Variants in LRRC72 observed in about 807,000 individuals in gnomAD.
The protein encoded by LRRC72 is leucine rich repeat containing 72, also known as leucine-rich repeat-containing protein 72.
Under a neutral mutation model 35.8 loss-of-function variants are expected in LRRC72, and 41 were observed. That is an observed-to-expected ratio of 1.15 (90% confidence interval 0.89 to 1.49). The LOEUF is 1.49. Ranked by LOEUF, LRRC72 falls within the 40% of genes most tolerant of loss-of-function variation. The pLI, the probability that LRRC72 is intolerant of heterozygous loss-of-function variation, is 0.00. For missense variants in LRRC72, 389 were observed against 330.7 expected (o/e 1.18, Z -1.37); for synonymous variants, 118 against 119.2 (o/e 0.99, Z 0.07).
intron 5 of LRRC72, among the ~76,000 whole-genome samples, chr7:16,560,210 T>C (rs1364587719): frequency 2.0e-5 from 3 of 152,218 alleles, no homozygotes; most frequent in Non-Finnish European, 4.4e-5. Flanking sequence ...ATTTTTTAAT[T>C]CCTTTTCTAT....
At chr7:16,575,094 G>C (rs184797589) in intron 7 of LRRC72, among the ~76,000 whole-genome samples, 1 of 139,438 alleles carries the variant, frequency 7.2e-6, no homozygotes, top group Non-Finnish European at 1.6e-5. Flanking sequence ...TAGCCTGCGT[G>C]ACAGAGTAAG....
At chr7:16,554,321 C>T (rs575257891) in intron 3 of LRRC72, among the ~76,000 whole-genome samples, 1 of 152,266 alleles carries the variant, frequency 6.6e-6, no homozygotes, top group East Asian at 1.9e-4. Flanking sequence ...CAGAGTGAGA[C>T]TCCATCTCAA....
At chr7:16,550,213 T>C (rs1782525001) in intron 3 of LRRC72, among the ~76,000 whole-genome samples, 1 of 151,790 alleles carries the variant, frequency 6.6e-6, no homozygotes, top group Non-Finnish European at 1.5e-5. Context: ...TGAGACCCTA[T>C]CTCAAAAAAA....
intron 1 of LRRC72, 69 bp downstream of exon 1, chr7:16,527,111 C>A (rs2128333685): frequency 8.0e-7 from 1 of 1,252,410 alleles, no homozygotes; most frequent in Non-Finnish European, 1.1e-6. Context: ...CACCTCCTGC[C>A]TGAGGACTCC....
At chr7:16,576,324 A>G (rs1583655340) in intron 7 of LRRC72, among the ~76,000 whole-genome samples, 5 of 152,296 alleles carry the variant, frequency 3.3e-5, no homozygotes, top group Admixed American at 3.3e-4. Flanking sequence ...TTATGGTGAC[A>G]TTCTAAAAAA....
At chr7:16,527,896 T>C (rs1327754661) in intron 1 of LRRC72, among the ~76,000 whole-genome samples, 5 of 152,132 alleles carry the variant, frequency 3.3e-5, no homozygotes, top group Admixed American at 1.3e-4. Context: ...AACATTTTTT[T>C]CCCTTTGATT....
At chr7:16,569,345 G>C (rs1352243282) in intron 7 of LRRC72, among the ~76,000 whole-genome samples, 1 of 152,086 alleles carries the variant, frequency 6.6e-6, no homozygotes, top group Non-Finnish European at 1.5e-5. Context: ...AGAATCACTT[G>C]AACCTGGGAG....
chr7:16,567,404 A>C lies in LRRC72; in HGVS notation c.531A>C (p.Lys177Asn), dbSNP rs375676661. 1.3e-6 allele frequency: 2 copies of C among 1,492,796 alleles called. No individual in the cohort carries two copies. 92.5% of individuals were successfully genotyped at this position (1,492,796 alleles called of 1,614,324 possible). ...TGCATTTATCAGAAGTTACAGAAAA[A>C]GAAAGAAGATCAATGATTACCATTT... is the stretch of plus-strand genomic sequence containing the variant. ...ELLDRNQVTEKERRSMITIFN... is the reference protein window; with the variant it reads ...ELLDRNQVTENERRSMITIFN... The change falls in exon 7 of 9, where the codon AAA (lysine) becomes AAC (asparagine). Residue 177 changes from lysine (K) to asparagine (N), a missense_variant. Lys to Asn is a moderately conservative substitution (Grantham distance 94, BLOSUM62 0). Coordinates refer to ENST00000401542, the MANE Select transcript of LRRC72 (RefSeq NM_001195280.2).
Position 16,553,715 on chromosome 7 carries a change from C to T in LRRC72, c.235-3645C>T, listed in dbSNP as rs539387381. Among the ~76,000 whole-genome samples the T allele has an allele frequency of 1.5e-4, 23 of 152,220 alleles. No homozygotes were observed. In the South Asian group the frequency reaches 4.1e-3, roughly 27 times the overall value. On this transcript the variant is annotated intron_variant, in intron 3 of 8. Transcript: ENST00000401542. ...GTAGCCCCTGCCCCATCAACTCCAA[C>T]GAATAATTATTTGGTCCCATATATG...
intron 1 of LRRC72, among the ~76,000 whole-genome samples, chr7:16,527,829 C>G (rs116447826): frequency 0.013 from 1,904 of 152,230 alleles, 44 homozygotes; most frequent in African/African-American, 0.043. Flanking sequence ...GCATTTTCTT[C>G]TATAGGTTTT....
At chr7:16,565,650 C>A (rs1782817731) in intron 5 of LRRC72, among the ~76,000 whole-genome samples, 2 of 152,260 alleles carry the variant, frequency 1.3e-5, no homozygotes, top group Admixed American at 6.5e-5. Context: ...CATCCACATG[C>A]CCCCTTCTTC....
intron 2 of LRRC72, among the ~76,000 whole-genome samples, chr7:16,533,112 G>A (rs555619826): frequency 6.6e-6 from 1 of 152,184 alleles, no homozygotes; most frequent in African/African-American, 2.4e-5. Flanking sequence ...CTGGTACACA[G>A]CAAGCACTCA....
chr7:16,579,853 T>A (rs1783109697), intron 7 of LRRC72, among the ~76,000 whole-genome samples: 1 of 152,100 alleles, frequency 6.6e-6, no homozygotes, highest in Non-Finnish European at 1.5e-5. Flanking sequence ...ATTAAAAAAA[T>A]TTGCCCCAAA....
chr7:16,544,606 T>C (rs1046197464), intron 3 of LRRC72, among the ~76,000 whole-genome samples: 1 of 152,174 alleles, frequency 6.6e-6, no homozygotes, highest in Admixed American at 6.5e-5. Context: ...CTCAGATAAA[T>C]TACCTAAGTG....
intron 2 of LRRC72, 77 bp downstream of exon 2, chr7:16,532,645 G>T (rs1407753624): frequency 1.7e-5 from 20 of 1,177,900 alleles, no homozygotes; most frequent in Non-Finnish European, 2.4e-5. Flanking sequence ...AGATTCAAAT[G>T]TTATTTTCCA....
chr7:16,549,403 G>T (rs1051303148), intron 3 of LRRC72, among the ~76,000 whole-genome samples: 1 of 152,082 alleles, frequency 6.6e-6, no homozygotes, highest in Non-Finnish European at 1.5e-5. Context: ...ATCAAAGGGA[G>T]CCATGGTCAA....
At chr7:16,541,596 T>C (rs1433200861) in intron 3 of LRRC72, among the ~76,000 whole-genome samples, 1 of 152,174 alleles carries the variant, frequency 6.6e-6, no homozygotes, top group Non-Finnish European at 1.5e-5. Context: ...CTTTAGGGCA[T>C]ACAAATTCAA....
intron 4 of LRRC72, among the ~76,000 whole-genome samples, chr7:16,558,499 A>G (rs748464946): frequency 1.3e-5 from 2 of 152,094 alleles, no homozygotes; most frequent in Non-Finnish European, 2.9e-5. Context: ...AATCTCAGCT[A>G]CGTGGGAGGC....
intron 7 of LRRC72, among the ~76,000 whole-genome samples, chr7:16,568,521 C>T (rs1022549824): frequency 6.6e-6 from 1 of 152,126 alleles, no homozygotes; most frequent in Non-Finnish European, 1.5e-5. Flanking sequence ...TCCAATATAA[C>T]TTCAGTAATA....
Sources: allele counts gnomAD v4.1 joint callset (sites outside exome capture counted in the v4.1 genomes callset), GRCh38; gene constraint gnomAD v4.1.1; transcripts MANE v1.5; gene names NCBI Gene and HGNC (gene_info 2026-07-23, HGNC 2026-07-21).